The following ADGRB3 variants were observed in gnomAD, a reference collection of about 807,000 sequenced individuals.
The protein encoded by ADGRB3 is adhesion G protein-coupled receptor B3.
A neutral mutation model predicts 193.4 loss-of-function variants in ADGRB3; 37 were observed. The ratio of observed to expected loss-of-function variants is 0.19; its 90% confidence interval spans 0.15 to 0.25. The LOEUF is 0.25. Among genes scored for constraint, ADGRB3 ranks in the 10% least tolerant of loss-of-function variants. The probability of loss-of-function intolerance (pLI) is 1.00; values close to 1 mark genes in which losing one functional copy is unlikely to be tolerated. For synonymous variants in ADGRB3, 690 were observed against 644.2 expected (o/e 1.07, Z -1.08); for missense variants, 1,637 against 1,852.9 (o/e 0.88, Z 2.14).
chr6:69,058,231 T>A (rs1233003732), intron 15 of ADGRB3, among the ~76,000 whole-genome samples: 1 of 151,962 alleles, frequency 6.6e-6, no homozygotes, highest in African/African-American at 2.4e-5. Context: ...ATATAATTAA[T>A]TGTTCATAGC....
intron 17 of ADGRB3, among the ~76,000 whole-genome samples, chr6:69,101,925 C>T (rs957978047): frequency 6.6e-6 from 1 of 152,094 alleles, no homozygotes; most frequent in Non-Finnish European, 1.5e-5. Context: ...CTCAGTGGCT[C>T]ACACTTGTAA....
At chr6:68,775,544 G>A (rs1168964610) in intron 3 of ADGRB3, among the ~76,000 whole-genome samples, 1 of 152,126 alleles carries the variant, frequency 6.6e-6, no homozygotes, top group African/African-American at 2.4e-5. Context: ...TCTCATGCTT[G>A]TCCTTTATAT....
intron 3 of ADGRB3, among the ~76,000 whole-genome samples, chr6:68,816,799 AT>A (rs1582225477): frequency 6.6e-6 from 1 of 152,130 alleles, no homozygotes; most frequent in East Asian, 1.9e-4. Context: ...TCCTAAGTAA[AT>A]GGGCAAATCA....
intron 3 of ADGRB3, among the ~76,000 whole-genome samples, chr6:68,801,225 T>C (rs1252411197): frequency 1.3e-5 from 2 of 152,208 alleles, no homozygotes; most frequent in Non-Finnish European, 2.9e-5. Context: ...CTGTTCTTAA[T>C]AGAAATGTTT....
chr6:68,996,652 G>A (rs990307567), intron 11 of ADGRB3, among the ~76,000 whole-genome samples: 7 of 152,228 alleles, frequency 4.6e-5, no homozygotes, highest in South Asian at 2.1e-4. Flanking sequence ...TTTTCAGACC[G>A]GCTTCGTCTA....
At chr6:68,644,165 A>T (rs542086566) in intron 3 of ADGRB3, among the ~76,000 whole-genome samples, 83 of 152,060 alleles carry the variant, frequency 5.5e-4, no homozygotes, top group Non-Finnish European at 1.0e-3. Context: ...AAAAAAACAG[A>T]AGTACATGAC....
At chr6:69,307,071 CT>C (rs535886533) in intron 20 of ADGRB3, among the ~76,000 whole-genome samples, 105 of 147,086 alleles carry the variant, frequency 7.1e-4, no homozygotes, top group South Asian at 3.7e-3. Flanking sequence ...ATAAAAATAG[CT>C]TTTTTTTTTG....
intron 21 of ADGRB3, among the ~76,000 whole-genome samples, chr6:69,326,300 T>A (rs753937934): frequency 2.6e-5 from 4 of 152,188 alleles, no homozygotes; most frequent in Non-Finnish European, 5.9e-5. Flanking sequence ...AATTTTTGTC[T>A]AAATTTCCTG....
At chr6:68,944,089 A>G in intron 6 of ADGRB3, 95 bp downstream of exon 6, 1 of 1,333,656 alleles carries the variant, frequency 7.5e-7, no homozygotes, top group East Asian at 2.3e-5. Flanking sequence ...ACCTTCATTC[A>G]GTCACGTTGG....
intron 3 of ADGRB3, among the ~76,000 whole-genome samples, chr6:68,751,662 C>T (rs569852815): frequency 6.6e-6 from 1 of 152,190 alleles, no homozygotes; most frequent in South Asian, 2.1e-4. Context: ...ATAAGAAAAG[C>T]TGATGTATTT....
At chr6:68,731,385 G>T (rs557573612) in intron 3 of ADGRB3, among the ~76,000 whole-genome samples, 2 of 151,018 alleles carry the variant, frequency 1.3e-5, no homozygotes, top group Non-Finnish European at 3.0e-5. Context: ...TAACAGAAAC[G>T]AATACATAAC....
chr6:68,800,989 T>C (rs1264538639), intron 3 of ADGRB3, among the ~76,000 whole-genome samples: 3 of 152,144 alleles, frequency 2.0e-5, no homozygotes, highest in Admixed American at 2.0e-4. Flanking sequence ...ATATAAAAAC[T>C]TTATTCTAAG....
chr6:69,234,032 A>T (rs910225534), intron 18 of ADGRB3, among the ~76,000 whole-genome samples: 1 of 152,208 alleles, frequency 6.6e-6, no homozygotes, highest in Non-Finnish European at 1.5e-5. Context: ...ATTCTCATCA[A>T]TTGTATTTTG....
At chr6:69,347,974 C>T (rs934139307) in intron 26 of ADGRB3, among the ~76,000 whole-genome samples, 1 of 152,110 alleles carries the variant, frequency 6.6e-6, no homozygotes, top group Non-Finnish European at 1.5e-5. Flanking sequence ...ATTCACCAAC[C>T]TCATTTGACC....
intron 3 of ADGRB3, among the ~76,000 whole-genome samples, chr6:68,643,927 A>C (rs985183878): frequency 8.6e-5 from 13 of 150,526 alleles, no homozygotes; most frequent in Admixed American, 5.3e-4. Flanking sequence ...GCAAGACTCT[A>C]TCAGAAAAAA....
At chr6:69,133,708 G>C (rs917608954) in intron 17 of ADGRB3, among the ~76,000 whole-genome samples, 1 of 150,894 alleles carries the variant, frequency 6.6e-6, no homozygotes, top group Admixed American at 6.6e-5. Flanking sequence ...TTATTTTAAA[G>C]TTTTGGGGGA....
intron 20 of ADGRB3, among the ~76,000 whole-genome samples, chr6:69,290,379 C>T (rs1767640544): frequency 6.6e-6 from 1 of 151,816 alleles, no homozygotes; most frequent in African/African-American, 2.4e-5. Context: ...TAATTGGTAG[C>T]AGGAGCTGGT....
At chr6:68,878,488 A>C (rs1765649951) in intron 3 of ADGRB3, among the ~76,000 whole-genome samples, 1 of 152,194 alleles carries the variant, frequency 6.6e-6, no homozygotes, top group South Asian at 2.1e-4. Context: ...GATCCAAAGT[A>C]TACAACATGC....
intron 3 of ADGRB3, among the ~76,000 whole-genome samples, chr6:68,772,890 A>ATATAT (rs1554191366): frequency 6.9e-4 from 32 of 46,080 alleles, no homozygotes; most frequent in East Asian, 1.3e-3. Context: ...AACAAAAAAA[A>ATATAT]AAAAATATAT....
Sources: allele counts gnomAD v4.1 joint callset (sites outside exome capture counted in the v4.1 genomes callset), GRCh38; gene constraint gnomAD v4.1.1; transcripts MANE v1.5; gene names NCBI Gene and HGNC (gene_info 2026-07-23, HGNC 2026-07-21).